DMD: variants seen among roughly 807,000 people sequenced by gnomAD.
DMD encodes mutant dystrophin.
DMD carries 63 observed loss-of-function variants against 330.1 expected under a neutral mutation model. The ratio of observed to expected loss-of-function variants is 0.19; its 90% CI spans 0.16 to 0.24. DMD has a LOEUF of 0.24. Ranked by LOEUF, DMD falls within the 10% of genes least tolerant of loss-of-function variation. The pLI, the probability that DMD is intolerant of heterozygous loss-of-function variation, is 1.00. For missense variants in DMD, 3,344 were observed against 2,684.1 expected (o/e 1.25, Z -5.43); for synonymous variants, 1,223 against 959.8 (o/e 1.27, Z -5.07).
At chrX:31,662,515 T>C (rs1269329824) in intron 53 of DMD, among the ~76,000 whole-genome samples, 3 of 112,226 alleles carry the variant, frequency 2.7e-5, no homozygotes, top group Non-Finnish European at 3.8e-5. Flanking sequence ...AGGTTGAATA[T>C]TGGTTAAATT....
chrX:31,172,172 A>G (rs1044645267), intron 73 of DMD, among the ~76,000 whole-genome samples, 176 bp downstream of exon 73: 1 of 111,996 alleles, frequency 8.9e-6, no homozygotes, highest in Non-Finnish European at 1.9e-5. Context: ...CAGAATTTGG[A>G]TGAGCTCATT....
chrX:32,949,391 TAGACAGAC>T (rs1185901672), intron 2 of DMD, among the ~76,000 whole-genome samples: 10 of 76,377 alleles, frequency 1.3e-4, no homozygotes, highest in East Asian at 1.1e-3. Flanking sequence ...GATAGATAGA[TAGACAGAC>T]AGACAGACAG....
At chrX:32,710,056 C>T (rs1170962767) in intron 7 of DMD, among the ~76,000 whole-genome samples, 2 of 111,605 alleles carry the variant, frequency 1.8e-5, no homozygotes, top group African/African-American at 6.5e-5. Context: ...TAGCAAGGAA[C>T]AGGAGCAGCC....
intron 44 of DMD, among the ~76,000 whole-genome samples, chrX:32,074,017 T>C (rs888114059): frequency 9.0e-6 from 1 of 111,595 alleles, no homozygotes; most frequent in Non-Finnish European, 1.9e-5. Context: ...AGTAGGTAAA[T>C]ACTTTTCCCT....
chrX:31,639,690 A>G (rs931520313), intron 54 of DMD, among the ~76,000 whole-genome samples: 2 of 111,924 alleles, frequency 1.8e-5, no homozygotes, highest in African/African-American at 6.5e-5. Flanking sequence ...TGCCTGAATA[A>G]CTGCATACTA....
At chrX:33,049,288 G>A (rs6631727) in intron 1 of DMD, among the ~76,000 whole-genome samples, 2,357 of 111,290 alleles carry the variant, frequency 0.021, 60 homozygotes, top group African/African-American at 0.073. Flanking sequence ...TGTATCCCTC[G>A]ACGTGCACCA....
chrX:32,229,713 T>TATATATAA (rs1557225999), intron 43 of DMD, among the ~76,000 whole-genome samples: 23 of 81,856 alleles, frequency 2.8e-4, no homozygotes, highest in African/African-American at 1.1e-3. Flanking sequence ...TATATATATA[T>TATATATAA]ATATATATAT....
At chrX:33,255,089 C>A (rs978043419) in intron 1 of DMD, among the ~76,000 whole-genome samples, 2 of 110,721 alleles carry the variant, frequency 1.8e-5, no homozygotes, top group Non-Finnish European at 3.8e-5. Context: ...CTATGGCACT[C>A]TATTGAAAGT....
chrX:31,340,570 G>A (rs73466383), intron 61 of DMD, among the ~76,000 whole-genome samples: 1,288 of 111,330 alleles, frequency 0.012, 15 homozygotes, highest in African/African-American at 0.04. Flanking sequence ...TGATCATGCT[G>A]TAATTTTGAA....
intron 51 of DMD, among the ~76,000 whole-genome samples, chrX:31,748,669 G>C (rs2088082214): frequency 9.0e-6 from 1 of 111,702 alleles, no homozygotes; most frequent in African/African-American, 3.3e-5. Context: ...GGATGGATTT[G>C]ATTTGTAATT....
At chrX:32,963,191 G>A (rs1245051841) in intron 2 of DMD, among the ~76,000 whole-genome samples, 1 of 111,988 alleles carries the variant, frequency 8.9e-6, no homozygotes, top group Non-Finnish European at 1.9e-5. Context: ...ACTCAAAAGT[G>A]AAGACAGTTC....
chrX:32,729,862 T>A (rs759226719), intron 7 of DMD, among the ~76,000 whole-genome samples: 17 of 112,270 alleles, frequency 1.5e-4, no homozygotes, highest in Non-Finnish European at 2.6e-4. Context: ...TAGTACTGAC[T>A]ATGTAATAAA....
intron 61 of DMD, among the ~76,000 whole-genome samples, chrX:31,326,201 G>A (rs1221295528): frequency 9.0e-6 from 1 of 110,869 alleles, no homozygotes; most frequent in African/African-American, 3.3e-5. Context: ...CTAATGGGAA[G>A]ACCTACGTAG....
chrX:31,704,467 GA>G (rs752791515), intron 52 of DMD, among the ~76,000 whole-genome samples: 1 of 110,988 alleles, frequency 9.0e-6, no homozygotes, highest in Admixed American at 9.6e-5. Flanking sequence ...ATAGTAAAAG[GA>G]AAAAAAATTG....
intron 41 of DMD, among the ~76,000 whole-genome samples, chrX:32,320,136 CT>C (rs925591627): frequency 1.8e-5 from 2 of 110,931 alleles, no homozygotes; most frequent in African/African-American, 6.5e-5. Flanking sequence ...CTTCTGTTGC[CT>C]TGTGGATCTG....
intron 2 of DMD, among the ~76,000 whole-genome samples, chrX:32,933,139 T>A (rs940309446): frequency 2.9e-5 from 3 of 103,160 alleles, no homozygotes; most frequent in Non-Finnish European, 5.9e-5. Flanking sequence ...TTGATAAGAA[T>A]GTATTTTTAA....
chrX:32,680,888 TG>T (rs1351079886), intron 9 of DMD, among the ~76,000 whole-genome samples: 2 of 110,474 alleles, frequency 1.8e-5, no homozygotes, highest in African/African-American at 3.3e-5. Context: ...GAGACGGGAG[TG>T]GGGGTAACAG....
At chrX:32,319,447 C>A (rs1174402437) in intron 41 of DMD, among the ~76,000 whole-genome samples, 10 of 111,530 alleles carry the variant, frequency 9.0e-5, no homozygotes, top group Non-Finnish European at 1.7e-4. Context: ...CAAGTATCAA[C>A]TTAACAGGAT....
chrX:32,416,735 C>A (rs1228594102), intron 29 of DMD, among the ~76,000 whole-genome samples: 2 of 111,344 alleles, frequency 1.8e-5, no homozygotes, highest in Non-Finnish European at 3.8e-5. Context: ...TGTGCTAAAA[C>A]CAAATCCTAC....
Sources: allele counts gnomAD v4.1 joint callset (sites outside exome capture counted in the v4.1 genomes callset), GRCh38; gene constraint gnomAD v4.1.1; transcripts MANE v1.5; gene names NCBI Gene and HGNC (gene_info 2026-07-23, HGNC 2026-07-21).